GAD2: variants seen among roughly 807,000 people sequenced by gnomAD.
The protein encoded by GAD2 is glutamate decarboxylase 2, also known as 65 kDa glutamic acid decarboxylase.
Under a neutral mutation model 80.1 loss-of-function variants are expected in GAD2, and 22 were observed. The observed-to-expected ratio is 0.27, with a 90% CI of 0.20 to 0.39. The LOEUF (loss-of-function observed/expected upper bound fraction) is 0.39, where lower values mean the gene tolerates loss of function less well. Among genes scored for constraint, GAD2 ranks in the 10% least tolerant of loss-of-function variants. The pLI, the probability that GAD2 is intolerant of heterozygous loss-of-function variation, is 1.00. For synonymous variants in GAD2, 274 were observed against 256.9 expected (o/e 1.07, Z -0.64); for missense variants, 624 against 738.4 (o/e 0.85, Z 1.80).
chr10:26,277,420 G>A (rs1845222490), intron 11 of GAD2, among the ~76,000 whole-genome samples: 1 of 152,196 alleles, frequency 6.6e-6, no homozygotes. Context: ...CATTATGCGT[G>A]GAGAGCATTA....
At chr10:26,285,393 A>G (rs1845319482) in intron 12 of GAD2, among the ~76,000 whole-genome samples, 2 of 152,268 alleles carry the variant, frequency 1.3e-5, no homozygotes, top group South Asian at 2.1e-4. Flanking sequence ...GTCACAAAAG[A>G]AACAAAACCA....
At chr10:26,293,696 T>A (rs1834243985) in intron 15 of GAD2, among the ~76,000 whole-genome samples, 1 of 152,208 alleles carries the variant, frequency 6.6e-6, no homozygotes, top group Admixed American at 6.5e-5. Context: ...CTGCTGACCC[T>A]CTTGAGCTGC....
chr10:26,272,333 C>T (rs7074235), intron 10 of GAD2, among the ~76,000 whole-genome samples: 50,479 of 151,962 alleles, frequency 0.33, 12,073 homozygotes, highest in African/African-American at 0.68. Flanking sequence ...GAGGATTACC[C>T]GGCAACTTCA....
intron 7 of GAD2, among the ~76,000 whole-genome samples, chr10:26,243,454 C>G (rs951958256): frequency 6.6e-6 from 1 of 152,190 alleles, no homozygotes; most frequent in Non-Finnish European, 1.5e-5. Context: ...ATTGAGGAAG[C>G]AGCTCTTCTT....
chr10:26,216,401 G>C (rs193208856), upstream of GAD2: 2 of 158,686 alleles, frequency 1.3e-5, no homozygotes, highest in Non-Finnish European at 2.7e-5. This position sits in a 1 kb window ranked among gnomAD's most constrained non-coding sequence, Gnocchi z 4.7. Flanking sequence ...TGCATGGTCT[G>C]CCTCGCATCC....
chr10:26,244,390 C>G (rs1224658020), intron 7 of GAD2, among the ~76,000 whole-genome samples: 1 of 152,124 alleles, frequency 6.6e-6, no homozygotes, highest in Non-Finnish European at 1.5e-5. Flanking sequence ...AGTATCTACT[C>G]AAAGCAATTG....
At chr10:26,298,613 C>A (rs1273207127) in intron 15 of GAD2, among the ~76,000 whole-genome samples, 1 of 152,126 alleles carries the variant, frequency 6.6e-6, no homozygotes, top group African/African-American at 2.4e-5. Flanking sequence ...GCTTGGATTA[C>A]CCATGAAAAC....
chr10:26,301,151 T>G lies in GAD2; in HGVS notation c.*190T>G. ...TCCTTTCTTAAGTTTAGAATACCTC[T>G]CTAAGAATTCGTGACAAAAGGCTAT... is the stretch of plus-strand genomic sequence containing the variant. On this transcript the variant is annotated 3_prime_UTR_variant, in exon 16 of 16. Coordinates refer to ENST00000376261, the MANE Select transcript of GAD2 (RefSeq NM_001134366.2). 1 of 560,700 alleles carries G rather than the reference T, an allele frequency of 1.8e-6. No individual in the cohort carries two copies. The highest frequency in any genetic ancestry group is 3.0e-5 in the East Asian group (1 of 33,706). 34.7% of individuals were successfully genotyped at this position (560,700 alleles called of 1,614,324 possible).
At chr10:26,292,157 A>G (rs1834221780) in intron 13 of GAD2, among the ~76,000 whole-genome samples, 1 of 152,332 alleles carries the variant, frequency 6.6e-6, no homozygotes, top group South Asian at 2.1e-4. Context: ...AATGACTTCC[A>G]TGATTATTCC....
chr10:26,257,960 C>T lies in GAD2; in HGVS notation c.921-11159C>T, dbSNP rs188986885. On this transcript the variant is annotated intron_variant, in intron 8 of 15. Transcript: ENST00000376261. Reference sequence around the variant, plus strand: ...AGACACCGAATCGATTATTCCTGAGCAGGGCTGTGGGAAGCCCTCTGAGTG... The same window carrying T: ...AGACACCGAATCGATTATTCCTGAGTAGGGCTGTGGGAAGCCCTCTGAGTG... Among the ~76,000 whole-genome samples the T allele has an allele frequency of 1.4e-4, 21 of 152,268 alleles. No homozygotes were observed. In the East Asian group the frequency reaches 4.1e-3, roughly 29 times the overall value.
intron 13 of GAD2, among the ~76,000 whole-genome samples, chr10:26,287,157 G>T (rs1845343618): frequency 6.6e-6 from 1 of 152,100 alleles, no homozygotes; most frequent in Non-Finnish European, 1.5e-5. Flanking sequence ...AGGCTGGATA[G>T]GTCAAAGATT....
intron 4 of GAD2, among the ~76,000 whole-genome samples, chr10:26,222,470 G>A (rs189613564): frequency 1.9e-4 from 29 of 152,188 alleles, no homozygotes; most frequent in African/African-American, 6.0e-4. Flanking sequence ...TTTCAGCTGC[G>A]AGCATAATGA....
At chr10:26,237,815 C>G (rs892188934) in intron 7 of GAD2, among the ~76,000 whole-genome samples, 7 of 152,030 alleles carry the variant, frequency 4.6e-5, no homozygotes, top group African/African-American at 1.7e-4. Context: ...TGGGACCAGC[C>G]TGGCCAACAT....
chr10:26,284,862 C>G lies in GAD2; in HGVS notation c.1237-1483C>G, dbSNP rs116146115. On this transcript the variant is annotated intron_variant, in intron 12 of 15. Transcript: ENST00000376261. ...GGGATTACAGGCATGAGCCACCGCA[C>G]CCGGCCATCCAGGTTTTTTAGGGCT... is the stretch of plus-strand genomic sequence containing the variant. Among the ~76,000 whole-genome samples, 518 of 152,252 alleles carry G rather than the reference C, an allele frequency of 3.4e-3. 2 individuals are homozygous for G. The highest frequency in any genetic ancestry group is 0.012 in the African/African-American group (503 of 41,550).
At chr10:26,248,660 A>G (rs1844839940) in intron 8 of GAD2, among the ~76,000 whole-genome samples, 1 of 152,202 alleles carries the variant, frequency 6.6e-6, no homozygotes, top group Non-Finnish European at 1.5e-5. Context: ...TTTCACACTT[A>G]GAAGTATTGC....
intron 8 of GAD2, among the ~76,000 whole-genome samples, chr10:26,266,244 A>G (rs979010069): frequency 1.1e-4 from 17 of 152,208 alleles, no homozygotes; most frequent in Non-Finnish European, 1.3e-4. Flanking sequence ...GCAAGTGCTC[A>G]ATAAATATTT....
intron 13 of GAD2, among the ~76,000 whole-genome samples, chr10:26,287,680 G>A (rs1442409980): frequency 6.6e-6 from 1 of 152,178 alleles, no homozygotes; most frequent in Non-Finnish European, 1.5e-5. Flanking sequence ...GCAGTCTTAT[G>A]TGACAGTTTT....
In GAD2 at chr10:26,302,722, C is replaced by A. The variant is rs1834340119; in HGVS notation, c.*1761C>A. 6.6e-6 allele frequency: 1 copy of A among 152,216 alleles called. No homozygotes were observed. Among genetic ancestry groups the A allele is most frequent in the South Asian group, 2.1e-4 (1 of 4,826 alleles). 9.4% of individuals were successfully genotyped at this position (152,216 alleles called of 1,614,324 possible). A position where few individuals can be genotyped will look rare whatever the true frequency, so the allele number is the denominator to read the frequency against. On this transcript the variant is annotated 3_prime_UTR_variant, in exon 16 of 16. Transcript: ENST00000376261. ...TCCAGCCATCTGAAATTTTCATAAG[C>A]TTCCCCCTACATTATTTCTCCTAGG...
intron 12 of GAD2, among the ~76,000 whole-genome samples, chr10:26,282,106 C>T (rs1845278907): frequency 6.9e-6 from 1 of 145,356 alleles, no homozygotes; most frequent in African/African-American, 2.7e-5. Context: ...CCACACCTGG[C>T]TAATTTTTGT....
Sources: gnomAD v4.1 joint callset for allele counts (sites outside exome capture counted in the v4.1 genomes callset) on GRCh38, gnomAD v4.1.1 for gene constraint, Gnocchi (gnomAD v3.1) non-coding constraint, MANE v1.5 for transcripts, NCBI Gene and HGNC (gene_info 2026-07-23, HGNC 2026-07-21) for gene names.